Variants in CDK13 observed in about 807,000 individuals in gnomAD.
The protein encoded by CDK13 is cyclin dependent kinase 13.
A neutral mutation model predicts 137.6 loss-of-function variants in CDK13; 40 were observed. The observed-to-expected ratio is 0.29, with a 90% CI of 0.23 to 0.38. CDK13 has a LOEUF of 0.38. CDK13 is among the 10% of genes least tolerant of loss of function. The pLI, the probability that CDK13 is intolerant of heterozygous loss-of-function variation, is 1.00. For missense variants in CDK13, 1,704 were observed against 1,951.8 expected, an observed-to-expected ratio of 0.87 and a Z score of 2.39; for synonymous variants, 869 against 760.1, an observed-to-expected ratio of 1.14 and a Z score of -2.36.
chr7:40,062,548 G>A (rs984091931), intron 7 of CDK13: 3 of 289,036 alleles, frequency 1.0e-5, no homozygotes, highest in African/African-American at 4.5e-5. Flanking sequence ...CCAGAGTGCT[G>A]GGATTACAGG....
chr7:39,977,165 G>C (rs766349815), intron 1 of CDK13, among the ~76,000 whole-genome samples: 4 of 152,116 alleles, frequency 2.6e-5, no homozygotes, highest in Non-Finnish European at 4.4e-5. Context: ...ATAGAAGATG[G>C]AGGGCAAGAT....
chr7:39,979,444 G>T (rs961212165), intron 1 of CDK13, among the ~76,000 whole-genome samples: 30 of 152,028 alleles, frequency 2.0e-4, no homozygotes, highest in Non-Finnish European at 3.5e-4. Context: ...TCGAACTTCT[G>T]CCCTCAGGTG....
At chr7:40,049,497 CTGAG>C (rs1407122028) in intron 7 of CDK13, among the ~76,000 whole-genome samples, 1 of 151,442 alleles carries the variant, frequency 6.6e-6, no homozygotes, top group African/African-American at 2.4e-5. Flanking sequence ...CCAGAAAGGG[CTGAG>C]TTAGTTTCCT....
intron 5 of CDK13, among the ~76,000 whole-genome samples, chr7:40,034,789 T>C (rs1323396279): frequency 6.6e-6 from 1 of 152,228 alleles, no homozygotes; most frequent in African/African-American, 2.4e-5. Flanking sequence ...CTGGATGTTG[T>C]CAGTCTGGTA....
rs533008190 is a variant in CDK13, at chr7:40,079,433, T to A, written c.3029+582T>A. Among the ~76,000 whole-genome samples the A allele has an allele frequency of 1.2e-3, 180 of 149,452 alleles. 1 individual carries two copies. Among genetic ancestry groups the A allele is most frequent in the African/African-American group, 4.1e-3 (167 of 41,010 alleles). ...AGACTCCGTCTCAAAAAAAAAAAAA[T>A]ATTACTGCTGTTGCTATTCTAATAC... On this transcript the variant is annotated intron_variant, in intron 11 of 13. Coordinates refer to ENST00000181839, the MANE Select transcript of CDK13 (RefSeq NM_003718.5).
intron 1 of CDK13, among the ~76,000 whole-genome samples, chr7:39,955,018 C>T (rs977630675): frequency 1.3e-5 from 2 of 152,164 alleles, no homozygotes; most frequent in African/African-American, 4.8e-5. Flanking sequence ...CTTCAGTCCT[C>T]GGCTCATGCA....
At chr7:39,964,110 G>T (rs1192930097) in intron 1 of CDK13, among the ~76,000 whole-genome samples, 6 of 152,138 alleles carry the variant, frequency 3.9e-5, no homozygotes, top group South Asian at 2.1e-4. Flanking sequence ...CCTGGCTTTG[G>T]TATCAGGATG....
chr7:39,986,284 T>C (rs894733048), intron 1 of CDK13: 1 of 152,242 alleles, frequency 6.6e-6, no homozygotes, highest in African/African-American at 2.4e-5. Context: ...GTCTTGGTAA[T>C]GCATGGATTT....
chr7:39,999,343 T>G lies in CDK13; in HGVS notation c.2043-18T>G. The G allele has an allele frequency of 6.3e-7, 1 of 1,586,742 alleles. No individual in the cohort carries two copies. The highest frequency in any genetic ancestry group is 8.6e-7 in the Non-Finnish European group (1 of 1,168,908). On this transcript the variant is annotated intron_variant, in intron 3 of 13. Coordinates refer to ENST00000181839, the MANE Select transcript of CDK13 (RefSeq NM_003718.5). ...TTTGCTTGATTGTATATAAAAACTT[T>G]AGAACTATATTTGATAGAATATGTG...
chr7:39,951,590 A>G lies in CDK13; in HGVS notation c.949A>G (p.Ser317Gly), dbSNP rs375548572. 3 of 1,499,426 alleles carry G rather than the reference A, an allele frequency of 2.0e-6. No individual in the cohort carries two copies. The highest frequency in any genetic ancestry group is 2.7e-6 in the Non-Finnish European group (3 of 1,126,286). 92.9% of individuals were successfully genotyped at this position (1,499,426 alleles called of 1,614,324 possible). Residue 317 changes from serine to glycine, a missense_variant, in exon 1 of 14, where the codon AGC (serine) becomes GGC (glycine). Transcript: ENST00000181839. Reference protein sequence around the residue: ...PKAYRRRRSLSPLGGRDDSPV... With the variant: ...PKAYRRRRSLGPLGGRDDSPV... Reference sequence around the variant, plus strand: ...GGCCTACAGGCGGCGGCGGTCCCTCAGCCCACTGGGAGGCCGGGACGACAG... The same window carrying G: ...GGCCTACAGGCGGCGGCGGTCCCTCGGCCCACTGGGAGGCCGGGACGACAG...
chr7:40,023,857 A>G (rs1340675058), intron 5 of CDK13, among the ~76,000 whole-genome samples: 1 of 152,166 alleles, frequency 6.6e-6, no homozygotes, highest in Non-Finnish European at 1.5e-5. Flanking sequence ...TTCTTCTCAG[A>G]TTTATGGTCA....
In CDK13 at chr7:40,096,447, A is replaced by G. The variant is rs1787049470; in HGVS notation, c.*1467A>G. On this transcript the variant is annotated 3_prime_UTR_variant, in exon 14 of 14. Transcript: ENST00000181839. ...TGCACACTCTCACACATACACACAC[A>G]ATTATACTAATTCTAGAAAGGAACC... is the stretch of plus-strand genomic sequence containing the variant. 1 of 152,164 alleles carries G rather than the reference A, an allele frequency of 6.6e-6. No individual in the cohort carries two copies. Among genetic ancestry groups the G allele is most frequent in the African/African-American group, 2.4e-5 (1 of 41,450 alleles). 9.4% of individuals were successfully genotyped at this position (152,164 alleles called of 1,614,324 possible).
At chr7:39,997,788 A>G (rs918590151) in intron 3 of CDK13, 124 bp downstream of exon 3, 3 of 698,118 alleles carry the variant, frequency 4.3e-6, no homozygotes, top group African/African-American at 3.8e-5. Context: ...ACTTAAATAT[A>G]TGAATTCTAT....
At chr7:40,088,012 A>G (rs945114949) in intron 11 of CDK13, 114 bp from the exon 12 acceptor site, 2 of 756,868 alleles carry the variant, frequency 2.6e-6, no homozygotes, top group African/African-American at 1.8e-5. Flanking sequence ...GAGCCATTCT[A>G]TGAAGTCTTC....
chr7:40,008,259 G>A (rs1309730075), intron 5 of CDK13, among the ~76,000 whole-genome samples: 3 of 152,146 alleles, frequency 2.0e-5, no homozygotes, highest in African/African-American at 7.2e-5. Context: ...CAAAAGTTTA[G>A]TTCTTTAACT....
Position 40,029,650 on chromosome 7 carries a change from C to CTT in CDK13, c.2354-16176_2354-16175dup, listed in dbSNP as rs59621828. Among the ~76,000 whole-genome samples, 6 of 146,382 alleles carry CTT rather than the reference C, an allele frequency of 4.1e-5. No individual in the cohort carries two copies. In the South Asian group the frequency reaches 1.1e-3, roughly 27 times the overall value. ...GAGAGAGAGAGAGAGAGAAAAGATT[C>CTT]TTTTTTTTTTTCTTTTTTTTGAGAC... is the stretch of plus-strand genomic sequence containing the variant. On this transcript the variant is annotated intron_variant, in intron 5 of 13. Transcript: ENST00000181839.
intron 2 of CDK13, among the ~76,000 whole-genome samples, chr7:39,992,129 G>A (rs1009427691): frequency 6.8e-6 from 1 of 147,244 alleles, no homozygotes; most frequent in Non-Finnish European, 1.5e-5. Context: ...AAGCACACAC[G>A]CTCCATCTCT....
chr7:39,988,649 C>A (rs1030283686), intron 2 of CDK13, among the ~76,000 whole-genome samples: 1 of 152,088 alleles, frequency 6.6e-6, no homozygotes, highest in Non-Finnish European at 1.5e-5. Flanking sequence ...TTCTAAGTTT[C>A]TTCAGTGGCC....
In CDK13 at chr7:39,951,368, G is replaced by A. The variant is rs1787184514; in HGVS notation, c.727G>A (p.Ala243Thr). Residue 243 changes from alanine to threonine, a missense_variant, in exon 1 of 14, where the codon GCC becomes ACC. Physicochemically the swap from Ala to Thr is moderately conservative, Grantham distance 58 (BLOSUM62 0). Around this residue, in one of 5 missense-constraint regions of CDK13, gnomAD observed 1,051 missense variants for 931.0 expected, o/e 1.13. Coordinates refer to ENST00000181839, the MANE Select transcript of CDK13 (RefSeq NM_003718.5). ...CCACAGCCACAGCGGCGAGGAACGG[G>A]CCGAGGTCGCCAAGAGCGGCAGCAG... ...SRHSHSGEER[A>T]EVAKSGSSSS... The A allele has an allele frequency of 2.0e-6, 3 of 1,514,474 alleles. No homozygotes were observed. Among genetic ancestry groups the A allele is most frequent in the Admixed American group, 2.1e-5 (1 of 47,882 alleles). 93.8% of individuals were successfully genotyped at this position (1,514,474 alleles called of 1,614,324 possible).
Sources: gnomAD v4.1 joint callset for allele counts (sites outside exome capture counted in the v4.1 genomes callset) on GRCh38, gnomAD v4.1.1 for gene constraint, gnomAD v4.1.1 regional missense constraint, MANE v1.5 for transcripts, NCBI Gene and HGNC (gene_info 2026-07-23, HGNC 2026-07-21) for gene names.